Variants in SDCBP observed in about 807,000 individuals in gnomAD.
SDCBP encodes syndecan binding protein, also known as syntenin-1.
SDCBP carries 22 observed loss-of-function variants against 30.5 expected under a neutral mutation model. That is an observed-to-expected ratio of 0.72 (90% CI 0.52 to 1.03). The LOEUF is 1.03. SDCBP is among the 50% of genes least tolerant of loss of function. SDCBP has a pLI of 0.00. For synonymous variants in SDCBP, 103 were observed against 118.7 expected (o/e 0.87, Z 0.86); for missense variants, 304 against 369.9 (o/e 0.82, Z 1.46).
chr8:58,560,249 G>T (rs1371337053), intron 1 of SDCBP: 2 of 152,388 alleles, frequency 1.3e-5, no homozygotes, highest in East Asian at 3.8e-4. Flanking sequence ...TGTCTTGCTT[G>T]TCTTGGAAAG....
intron 2 of SDCBP, among the ~76,000 whole-genome samples, chr8:58,567,647 C>G (rs543436651): frequency 6.6e-6 from 1 of 152,184 alleles, no homozygotes; most frequent in African/African-American, 2.4e-5. Flanking sequence ...TGAGAAATGC[C>G]TCATTAGACA....
Position 58,578,185 on chromosome 8 carries a change from G to GAT in SDCBP, c.556_557dup (p.Thr187LeufsTer3). 1 of 1,577,156 alleles carries GAT rather than the reference G, an allele frequency of 6.3e-7. No individual in the cohort carries two copies. The highest frequency in any genetic ancestry group is 1.2e-5 in the South Asian group (1 of 86,056). On this transcript the variant is annotated frameshift_variant, in exon 6 of 9. Coordinates refer to ENST00000260130, the MANE Select transcript of SDCBP (RefSeq NM_005625.4). LOFTEE classifies it high-confidence loss of function. The stretch of plus-strand genomic sequence containing the variant: ...TGCTCAAACAGGCTTTTGGAGAGAA[G>GAT]ATTACCATGACCATTCGTGACAGGT...
At chr8:58,565,174 A>T (rs1011795892) in intron 2 of SDCBP, 90 bp downstream of exon 2, 3 of 573,634 alleles carry the variant, frequency 5.2e-6, no homozygotes, top group Non-Finnish European at 9.0e-6. Flanking sequence ...TAAATAGCAG[A>T]TATATTTGTT....
chr8:58,569,045 A>C (rs1180996887), intron 2 of SDCBP, among the ~76,000 whole-genome samples: 1 of 151,804 alleles, frequency 6.6e-6, no homozygotes, highest in Non-Finnish European at 1.5e-5. Context: ...TTAAAAAGAA[A>C]ATTTTTTTTT....
chr8:58,569,384 T>C (rs980879926), intron 2 of SDCBP, among the ~76,000 whole-genome samples: 2 of 148,950 alleles, frequency 1.3e-5, no homozygotes, highest in African/African-American at 5.1e-5. Flanking sequence ...ATTTTTTGCA[T>C]AGGCAGGGTT....
At chr8:58,579,591 TAA>T (rs1805558742) in intron 6 of SDCBP, 30 bp from the exon 7 acceptor site, 1 of 1,453,142 alleles carries the variant, frequency 6.9e-7, no homozygotes, top group East Asian at 2.5e-5. Flanking sequence ...AGCTTAGAAT[TAA>T]GTTTTTAATT....
chr8:58,574,332 G>A (rs1005043706), intron 4 of SDCBP, among the ~76,000 whole-genome samples: 6 of 152,140 alleles, frequency 3.9e-5, no homozygotes, highest in African/African-American at 1.4e-4. Context: ...AGGTATAGAG[G>A]AACAGAAAGA....
At chr8:58,568,989 T>A (rs1292278217) in intron 2 of SDCBP, among the ~76,000 whole-genome samples, 1 of 151,956 alleles carries the variant, frequency 6.6e-6, no homozygotes, top group African/African-American at 2.4e-5. Flanking sequence ...GCCACAGCCT[T>A]CTAAGTAGCT....
intron 4 of SDCBP, 51 bp downstream of exon 4, chr8:58,572,365 TTAG>T (rs1805076900): frequency 1.6e-6 from 2 of 1,225,838 alleles, no homozygotes; most frequent in Non-Finnish European, 1.2e-6. Flanking sequence ...ACTTTACATG[TTAG>T]TATAAGCTTT....
chr8:58,566,279 C>T (rs1804705263), intron 2 of SDCBP, among the ~76,000 whole-genome samples: 1 of 152,144 alleles, frequency 6.6e-6, no homozygotes, highest in South Asian at 2.1e-4. Context: ...AATACATTAA[C>T]TGATAAGGAT....
At chr8:58,556,624 T>C (rs1752466699) in intron 1 of SDCBP, among the ~76,000 whole-genome samples, 1 of 152,030 alleles carries the variant, frequency 6.6e-6, no homozygotes, top group Non-Finnish European at 1.5e-5. Flanking sequence ...TGGAAAACTT[T>C]GCCAGTGTTT....
chr8:58,576,416 C>CT (rs113665258), intron 5 of SDCBP: 5,657 of 141,246 alleles, frequency 0.04, 304 homozygotes, highest in African/African-American at 0.13. Context: ...GTCAGTGTGC[C>CT]TTTTTTTTTT....
intron 8 of SDCBP, among the ~76,000 whole-genome samples, chr8:58,580,953 G>A (rs1300186134): frequency 6.6e-6 from 1 of 152,152 alleles, no homozygotes; most frequent in Non-Finnish European, 1.5e-5. Flanking sequence ...TATAGTTGTG[G>A]TGGTTCGTAA....
At position 58,582,664 on chromosome 8, in the gene SDCBP, C is replaced by T. The variant is rs148339226; in HGVS notation, c.*924C>T. On this transcript the variant is annotated 3_prime_UTR_variant, in exon 9 of 9. Transcript: ENST00000260130. The stretch of plus-strand genomic sequence containing the variant: ...TAAGTGGTATAATACTTAATTTTGG[C>T]ATTTGACTCTTAAGATTATGTAACC... 638 of 152,612 alleles carry T rather than the reference C, an allele frequency of 4.2e-3. 14 individuals carry two copies. The East Asian group carries it at 0.045, about 11-fold the overall frequency. The allele number at this position is 152,612 out of a possible 1,614,324, so 9.5% of individuals were successfully genotyped here. A position where few individuals can be genotyped will look rare whatever the true frequency, so the allele number is the denominator to read the frequency against.
Position 58,572,197 on chromosome 8 carries a change from C to T in SDCBP, c.131-8C>T. 1 of 1,542,496 alleles carries T rather than the reference C, an allele frequency of 6.5e-7. No homozygotes were observed. The highest frequency in any genetic ancestry group is 8.9e-7 in the Non-Finnish European group (1 of 1,119,572). ...AAGTGCTTTTTAATTTATTCATTTA[C>T]TTTTTAGATCTCTATCCCAGACTGT... On this transcript the variant is annotated splice_region_variant and splice_polypyrimidine_tract_variant and intron_variant, in intron 3 of 8. Transcript: ENST00000260130.
chr8:58,557,261 TTAAA>T (rs1178783471), intron 1 of SDCBP, among the ~76,000 whole-genome samples: 2 of 131,604 alleles, frequency 1.5e-5, no homozygotes, highest in African/African-American at 5.9e-5. Context: ...ATATTTATAT[TTAAA>T]TATTTATATT....
chr8:58,572,348 A>G (rs771759057), intron 4 of SDCBP, 34 bp downstream of exon 4: 1 of 1,346,534 alleles, frequency 7.4e-7, no homozygotes, highest in Admixed American at 1.7e-5. Context: ...GATTTATATA[A>G]AATCATACTT....
intron 5 of SDCBP, chr8:58,576,334 G>T: frequency 4.5e-6 from 1 of 223,246 alleles, no homozygotes; most frequent in Non-Finnish European, 8.9e-6. Flanking sequence ...ATTATAGTTT[G>T]TATAATAGAA....
chr8:58,581,833 C>A lies in SDCBP; in HGVS notation c.*93C>A. The A allele has an allele frequency of 1.0e-6, 1 of 968,066 alleles. No homozygotes were observed. Among genetic ancestry groups the A allele is most frequent in the Non-Finnish European group, 1.7e-6 (1 of 598,808 alleles). The allele number at this position is 968,066 out of a possible 1,614,324, so 60.0% of individuals were successfully genotyped here. On this transcript the variant is annotated 3_prime_UTR_variant, in exon 9 of 9. Coordinates refer to ENST00000260130, the MANE Select transcript of SDCBP (RefSeq NM_005625.4). ...GCACGTGAAGCCTTCCCGGAGCCAG[C>A]GAGCATATGCTGCATGAGGACCTTT...
Sources: gnomAD v4.1 joint callset for allele counts (sites outside exome capture counted in the v4.1 genomes callset) on GRCh38, gnomAD v4.1.1 for gene constraint, MANE v1.5 for transcripts, NCBI Gene and HGNC (gene_info 2026-07-23, HGNC 2026-07-21) for gene names.